NCOA6: variants seen among roughly 807,000 people sequenced by gnomAD.
The protein encoded by NCOA6 is nuclear receptor coactivator 6.
NCOA6 carries 49 observed loss-of-function variants against 171.4 expected under a neutral mutation model. The ratio of observed to expected loss-of-function variants is 0.29; its 90% CI spans 0.23 to 0.36. The LOEUF (loss-of-function observed/expected upper bound fraction) is 0.36, where lower values mean the gene tolerates loss of function less well. NCOA6 is among the 10% of genes least tolerant of loss of function. The pLI, the probability that NCOA6 is intolerant of heterozygous loss-of-function variation, is 1.00. For missense variants in NCOA6, 2,248 were observed against 2,554.5 expected, an observed-to-expected ratio of 0.88 and a Z score of 2.59; for synonymous variants, 910 against 927.5, an observed-to-expected ratio of 0.98 and a Z score of 0.34.
intron 1 of NCOA6, among the ~76,000 whole-genome samples, chr20:34,796,824 TA>T (rs57979275): frequency 1.4e-3 from 202 of 140,108 alleles, no homozygotes; most frequent in Admixed American, 1.7e-3. Flanking sequence ...CGTCTCAAAT[TA>T]AAAAAAAAAA....
At chr20:34,810,951 T>A (rs1033916501) in intron 1 of NCOA6, among the ~76,000 whole-genome samples, 7 of 151,824 alleles carry the variant, frequency 4.6e-5, no homozygotes, top group South Asian at 2.1e-4. Context: ...TCAGATAGAC[T>A]AGCATTATTT....
At chr20:34,763,601 G>T (rs1005057560) in intron 5 of NCOA6, among the ~76,000 whole-genome samples, 1 of 152,144 alleles carries the variant, frequency 6.6e-6, no homozygotes, top group African/African-American at 2.4e-5. Context: ...AATGACTTGG[G>T]TTGAGAAAAT....
At chr20:34,814,321 A>G (rs1036953084) in intron 1 of NCOA6, among the ~76,000 whole-genome samples, 5 of 152,100 alleles carry the variant, frequency 3.3e-5, no homozygotes, top group Non-Finnish European at 7.4e-5. Context: ...CCTGGGTGAC[A>G]GAGTAAGACT....
chr20:34,824,404 C>T (rs2079092842), intron 1 of NCOA6, among the ~76,000 whole-genome samples: 1 of 152,148 alleles, frequency 6.6e-6, no homozygotes, highest in Non-Finnish European at 1.5e-5. Flanking sequence ...GAAATCTTTA[C>T]TTGATCTCTC....
At position 34,757,372 on chromosome 20, in the gene NCOA6, T is replaced by C; in HGVS notation, c.1376A>G (p.Gln459Arg). Residue 459 changes from glutamine to arginine, a missense_variant, in exon 7 of 15, where the codon CAA becomes CGA. This residue lies in a region of NCOA6 where 987 missense variants were observed against 1,104.7 expected (regional missense o/e 0.89). Transcript: ENST00000359003. ...TQQQMGPRPP[Q>R]NNPLPQGFQQ... is the part of the protein sequence containing the mutation. ...AAATCCCTGGGGAAGTGGGTTATTTTGAGGTGGCCTTGGTCCCATCTGCTG... is the reference window on the plus strand; with the variant it reads ...AAATCCCTGGGGAAGTGGGTTATTTCGAGGTGGCCTTGGTCCCATCTGCTG... The C allele has an allele frequency of 6.2e-7, 1 of 1,614,156 alleles. No individual in the cohort carries two copies. Among genetic ancestry groups the C allele is most frequent in the East Asian group, 2.2e-5 (1 of 44,880 alleles).
intron 3 of NCOA6, among the ~76,000 whole-genome samples, chr20:34,778,660 T>C (rs1819471835): frequency 6.6e-6 from 1 of 151,560 alleles, no homozygotes; most frequent in African/African-American, 2.4e-5. Flanking sequence ...TCTCTTGACC[T>C]TGTGATCCAC....
intron 13 of NCOA6, among the ~76,000 whole-genome samples, chr20:34,728,457 G>T (rs1288690138): frequency 2.0e-5 from 3 of 152,158 alleles, no homozygotes; most frequent in African/African-American, 7.2e-5. Flanking sequence ...AACATCTGGA[G>T]ACATTTTTGA....
In NCOA6 at chr20:34,757,914, T is replaced by C. The variant is rs745955508; in HGVS notation, c.834A>G (p.Gln278=). 13 of 1,613,460 alleles carry C rather than the reference T, an allele frequency of 8.1e-6. No individual in the cohort carries two copies. In the East Asian group the frequency reaches 1.6e-4, roughly 19 times the overall value. ...QQQQQQQQQQ[Q]QQQQQQQLQA... is the part of the protein sequence containing the mutation. Reference sequence around the variant, plus strand: ...GCAACTGTTGTTGCTGCTGTTGCTGTTGTTGCTGCTGCTGCTGCTGCTGCT... The same window carrying C: ...GCAACTGTTGTTGCTGCTGTTGCTGCTGTTGCTGCTGCTGCTGCTGCTGCT... Residue 278 remains glutamine (Q), a synonymous_variant, in exon 7 of 15, where the codon CAA becomes CAG. Transcript: ENST00000359003.
chr20:34,741,811 G>A lies in NCOA6; in HGVS notation c.4445C>T (p.Pro1482Leu). 2.5e-6 allele frequency: 4 copies of A among 1,614,158 alleles called. No individual in the cohort carries two copies. The highest frequency in any genetic ancestry group is 3.4e-6 in the Non-Finnish European group (4 of 1,180,028). ...CGATGTTGGTGCTTCCCTCATAGCA[G>A]GAGACACCAAATTTTTGTTCTCTTC... Reference protein sequence around the residue: ...SVEENKNLVSPAMREAPTSLS... With the variant: ...SVEENKNLVSLAMREAPTSLS... Residue 1482 changes from proline (P) to leucine (L), a missense_variant, in exon 11 of 15, where the codon CCT becomes CTT. Transcript: ENST00000359003.
chr20:34,725,082 C>A (rs1227944836), intron 14 of NCOA6, among the ~76,000 whole-genome samples: 1 of 152,204 alleles, frequency 6.6e-6, no homozygotes. Flanking sequence ...AGCCACTGCA[C>A]GTGGCTGAGG....
chr20:34,821,176 T>C (rs113802794), intron 1 of NCOA6: 3 of 152,356 alleles, frequency 2.0e-5, no homozygotes, highest in African/African-American at 7.2e-5. Context: ...GGTTGGCAAA[T>C]GTTTTTGTAA....
At chr20:34,785,012 C>T (rs1273828376) in intron 2 of NCOA6, among the ~76,000 whole-genome samples, 1 of 151,778 alleles carries the variant, frequency 6.6e-6, no homozygotes. Context: ...ACCCTGGAGG[C>T]GGAGGCTGCA....
chr20:34,761,786 G>A (rs1354704311), intron 5 of NCOA6, among the ~76,000 whole-genome samples: 1 of 152,076 alleles, frequency 6.6e-6, no homozygotes, highest in Non-Finnish European at 1.5e-5. Flanking sequence ...CTCCCGAGTA[G>A]ATAGGACTAC....
At chr20:34,749,145 C>T (rs1024828278) in intron 9 of NCOA6, among the ~76,000 whole-genome samples, 4 of 152,140 alleles carry the variant, frequency 2.6e-5, no homozygotes, top group East Asian at 1.9e-4. Context: ...CAATATTGTG[C>T]GGGCATATTA....
Position 34,742,696 on chromosome 20 carries a change from T to C in NCOA6, c.3560A>G (p.Asn1187Ser). 1 of 1,614,088 alleles carries C rather than the reference T, an allele frequency of 6.2e-7. No homozygotes were observed. The highest frequency in any genetic ancestry group is 8.5e-7 in the Non-Finnish European group (1 of 1,180,000). ...QGATPQQPPV[N>S]SLPSSHGHHF... ...GTGGCCGTGAGAGCTGGGCAGGGAA[T>C]TTACAGGGGGTTGCTGGGGAGTTGC... Residue 1187 changes from asparagine (N) to serine (S), a missense_variant, in exon 11 of 15, where the codon AAT becomes AGT. Coordinates refer to ENST00000359003, the MANE Select transcript of NCOA6 (RefSeq NM_014071.5).
chr20:34,779,063 T>C lies in NCOA6; in HGVS notation c.236-2615A>G, dbSNP rs770613802. ...AGTACATTTAATTTCCACTAAACTG[T>C]ATACTTAATAATGGTTAACATGGTA... is the stretch of plus-strand genomic sequence containing the variant. On this transcript the variant is annotated intron_variant, in intron 3 of 14. Coordinates refer to ENST00000359003, the MANE Select transcript of NCOA6 (RefSeq NM_014071.5). 4.7e-4 allele frequency among the ~76,000 whole-genome samples: 72 copies of C among 152,108 alleles called. 1 individual carries two copies. The highest frequency in any genetic ancestry group is 1.5e-3 in the South Asian group (7 of 4,812).
At position 34,757,966 on chromosome 20, in the gene NCOA6, T is replaced by C. The variant is rs1341781468; in HGVS notation, c.782A>G (p.Gln261Arg). Residue 261 changes from glutamine to arginine, a missense_variant, in exon 7 of 15, where the codon CAG becomes CGG. Coordinates refer to ENST00000359003, the MANE Select transcript of NCOA6 (RefSeq NM_014071.5). ...CTGTTGTTGTTGTTGCTGCTGCTGCTGCAGCTGGGGAAAATTAGCTGGGTT... is the reference window on the plus strand; with the variant it reads ...CTGTTGTTGTTGTTGCTGCTGCTGCCGCAGCTGGGGAAAATTAGCTGGGTT... The part of the protein sequence containing the change: ...QMNPANFPQL[Q>R]QQQQQQQQQQ... The C allele has an allele frequency of 1.2e-6, 2 of 1,614,010 alleles. No homozygotes were observed. Among genetic ancestry groups the C allele is most frequent in the East Asian group, 2.2e-5 (1 of 44,894 alleles).
intron 2 of NCOA6, among the ~76,000 whole-genome samples, chr20:34,789,337 T>C (rs1469214725): frequency 2.6e-5 from 4 of 152,228 alleles, no homozygotes; most frequent in Admixed American, 2.6e-4. Flanking sequence ...AAAAAGGTTA[T>C]TGTAAAGCCC....
intron 1 of NCOA6, among the ~76,000 whole-genome samples, chr20:34,824,452 C>G (rs1388481929): frequency 4.2e-4 from 64 of 152,320 alleles, no homozygotes; most frequent in Non-Finnish European, 2.5e-4. Context: ...TCTTCTTCAC[C>G]ATTTTACTGG....
Sources: allele counts gnomAD v4.1 joint callset (sites outside exome capture counted in the v4.1 genomes callset), GRCh38; gene constraint gnomAD v4.1.1; regional missense constraint gnomAD v4.1.1; transcripts MANE v1.5; gene names NCBI Gene and HGNC (gene_info 2026-07-23, HGNC 2026-07-21).